Variants in TRRAP observed in about 807,000 individuals in gnomAD.
The protein encoded by TRRAP is transformation/transcription domain associated protein, also known as transformation/transcription domain-associated protein.
TRRAP carries 41 observed loss-of-function variants against 438.8 expected under a neutral mutation model. The observed-to-expected ratio is 0.09, with a 90% CI of 0.07 to 0.12. The LOEUF is 0.12. Ranked by LOEUF, TRRAP falls within the 10% of genes least tolerant of loss-of-function variation. The pLI is 1.00. For missense variants in TRRAP, 3,122 were observed against 5,055.1 expected, an observed-to-expected ratio of 0.62 and a Z score of 11.60; for synonymous variants, 1,994 against 1,962.9, an observed-to-expected ratio of 1.02 and a Z score of -0.42.
chr7:98,915,701 C>T (rs1554409474), intron 18 of TRRAP, 22 bp from the exon 19 acceptor site: 1 of 1,610,272 alleles, frequency 6.2e-7, no homozygotes, highest in East Asian at 2.2e-5. Flanking sequence ...TGCCACTAAT[C>T]TGCGTCTTCT....
chr7:98,967,877 T>G (rs1373549917), intron 51 of TRRAP, among the ~76,000 whole-genome samples, 179 bp downstream of exon 51: 3 of 152,228 alleles, frequency 2.0e-5, no homozygotes, highest in African/African-American at 7.2e-5. Context: ...CTAAAGCGTT[T>G]TTGGGCTGAT....
chr7:98,892,413 T>A lies in TRRAP; in HGVS notation c.262-11T>A. The A allele has an allele frequency of 1.2e-6, 2 of 1,604,720 alleles. No homozygotes were observed. The highest frequency in any genetic ancestry group is 1.7e-6 in the Non-Finnish European group (2 of 1,173,096). ...TTTTTATCCTTACATTTATTTATTT[T>A]TTCTTGCCAGCAACTGCGGAAGCTC... On this transcript the variant is annotated splice_polypyrimidine_tract_variant and intron_variant, in intron 4 of 72. Transcript: ENST00000456197.
chr7:98,959,579 T>C, intron 45 of TRRAP, 89 bp downstream of exon 45: 1 of 1,541,574 alleles, frequency 6.5e-7, no homozygotes, highest in Non-Finnish European at 8.7e-7. Flanking sequence ...CATTTGTGGA[T>C]CACTCTGACC....
chr7:98,950,046 C>T lies in TRRAP; in HGVS notation c.5136-18C>T, dbSNP rs914935138. The T allele has an allele frequency of 6.2e-7, 1 of 1,613,576 alleles. No individual in the cohort carries two copies. The highest frequency in any genetic ancestry group is 1.3e-5 in the African/African-American group (1 of 74,846). ...AATTTGCTCTAAGTTAACCTGTCTT[C>T]TTCTTTTGACCCTCCAGAAGGAATT... On this transcript the variant is annotated intron_variant, in intron 37 of 72. Transcript: ENST00000456197.
At position 98,949,815 on chromosome 7, in the gene TRRAP, G is replaced by T; in HGVS notation, c.5109G>T (p.Leu1703=). ...CCAACTGGAAGGAGCCCAAGCTGCT[G>T]GCCTACTGCCTGCTGAACTACTGCA... is the stretch of plus-strand genomic sequence containing the variant. The part of the protein sequence containing the change: ...AATNWKEPKL[L]AYCLLNYCKR... The change falls in exon 37 of 73, where the codon CTG becomes CTT. Residue 1703 remains leucine, a synonymous_variant. Coordinates refer to ENST00000456197, the MANE Select transcript of TRRAP (RefSeq NM_001375524.1). 6.2e-7 allele frequency: 1 copy of T among 1,613,618 alleles called. No homozygotes were observed. Among genetic ancestry groups the T allele is most frequent in the Non-Finnish European group, 8.5e-7 (1 of 1,179,942 alleles).
chr7:98,981,162 G>A (rs1792897043), intron 58 of TRRAP, among the ~76,000 whole-genome samples: 2 of 152,216 alleles, frequency 1.3e-5, no homozygotes, highest in African/African-American at 4.8e-5. Context: ...AGCACTTTGG[G>A]AGGCTGAGGC....
At chr7:98,963,052 C>G (rs1334535342) in intron 47 of TRRAP, among the ~76,000 whole-genome samples, 1 of 152,154 alleles carries the variant, frequency 6.6e-6, no homozygotes, top group African/African-American at 2.4e-5. Context: ...TGAAGGAATA[C>G]TAAGTAGAAG....
chr7:98,923,673 G>A (rs1214487560), intron 21 of TRRAP, among the ~76,000 whole-genome samples: 1 of 152,214 alleles, frequency 6.6e-6, no homozygotes, highest in Middle Eastern at 3.2e-3. Flanking sequence ...ACTCAAGCTG[G>A]GGTTCATCCG....
chr7:98,892,800 C>G (rs1433884078), intron 5 of TRRAP, among the ~76,000 whole-genome samples: 1 of 152,180 alleles, frequency 6.6e-6, no homozygotes, highest in South Asian at 2.1e-4. Context: ...GGTGCGGGCC[C>G]GCAGACGCCC....
intron 8 of TRRAP, 143 bp downstream of exon 8, chr7:98,898,009 T>G: frequency 7.3e-7 from 1 of 1,361,672 alleles, no homozygotes; most frequent in Non-Finnish European, 1.0e-6. Flanking sequence ...GGTCCTTCTC[T>G]GCAGCCTGGG....
At chr7:98,897,623 A>G (rs1453358435) in intron 7 of TRRAP, 118 bp from the exon 8 acceptor site, 3 of 1,319,284 alleles carry the variant, frequency 2.3e-6, no homozygotes, top group Non-Finnish European at 3.1e-6. Context: ...AATGTAGAAC[A>G]TACTGTTTTT....
intron 3 of TRRAP, among the ~76,000 whole-genome samples, chr7:98,884,983 T>C (rs1554403736): frequency 6.6e-6 from 1 of 152,166 alleles, no homozygotes; most frequent in Non-Finnish European, 1.5e-5. Context: ...GTTACTTATT[T>C]TTTTCACATC....
At chr7:98,883,710 C>T (rs1554403511) in intron 3 of TRRAP, among the ~76,000 whole-genome samples, 1 of 152,136 alleles carries the variant, frequency 6.6e-6, no homozygotes, top group Non-Finnish European at 1.5e-5. Context: ...GATGCAGTTT[C>T]ACCATGTTGC....
chr7:98,995,380 G>A (rs1015267492), intron 67 of TRRAP, among the ~76,000 whole-genome samples: 8 of 152,206 alleles, frequency 5.3e-5, no homozygotes, highest in East Asian at 1.9e-4. Flanking sequence ...TGGGTGCGCC[G>A]GTGGGAGATG....
intron 44 of TRRAP, among the ~76,000 whole-genome samples, chr7:98,958,628 C>G (rs944684364): frequency 2.0e-5 from 3 of 152,124 alleles, no homozygotes; most frequent in Non-Finnish European, 4.4e-5. Flanking sequence ...AAGCATTTCA[C>G]TCTTTCAGTG....
At chr7:98,978,387 G>C in intron 57 of TRRAP, 64 bp downstream of exon 57, 1 of 1,438,906 alleles carries the variant, frequency 6.9e-7, no homozygotes, top group South Asian at 1.2e-5. Context: ...AAAAATCTCT[G>C]ACCTTTTCTT....
chr7:99,011,517 C>T lies in TRRAP; in HGVS notation c.11319C>T (p.Phe3773=), dbSNP rs773441137. The change falls in exon 72 of 73, where the codon TTC becomes TTT. Residue 3773 remains phenylalanine (F), a synonymous_variant. Coordinates refer to ENST00000456197, the MANE Select transcript of TRRAP (RefSeq NM_001375524.1). The surrounding 1 kb of genome is among the most constrained non-coding windows in gnomAD (Gnocchi z 7.1). ...CCATGATTGCGGTCGCCCGGTGCTT[C>T]GCCCAGCCAAACTTTAAGGTGGGTC... ...TASMIAVARC[F]AQPNFKVDGI... The T allele has an allele frequency of 1.8e-5, 29 of 1,613,790 alleles. No homozygotes were observed. Among genetic ancestry groups the T allele is most frequent in the East Asian group, 6.7e-5 (3 of 44,884 alleles).
chr7:98,909,748 C>A (rs1796975015), intron 14 of TRRAP, among the ~76,000 whole-genome samples: 1 of 151,914 alleles, frequency 6.6e-6, no homozygotes, highest in Admixed American at 6.6e-5. Context: ...CTGAGCCAGA[C>A]TCTGCACATG....
intron 30 of TRRAP, among the ~76,000 whole-genome samples, chr7:98,938,817 G>A (rs1790670152): frequency 6.6e-6 from 1 of 152,098 alleles, no homozygotes; most frequent in African/African-American, 2.4e-5. Flanking sequence ...AGAATTTCTG[G>A]ATCAAAAGAA....
Sources: gnomAD v4.1 joint callset for allele counts (sites outside exome capture counted in the v4.1 genomes callset) on GRCh38, gnomAD v4.1.1 for gene constraint, Gnocchi (gnomAD v3.1) non-coding constraint, MANE v1.5 for transcripts, NCBI Gene and HGNC (gene_info 2026-07-23, HGNC 2026-07-21) for gene names.